Variants in CSMD1 observed in about 807,000 individuals in gnomAD.
CSMD1 encodes CUB and sushi domain-containing protein 1.
In CSMD1, 213 loss-of-function variants were observed where a neutral mutation model predicts 417.5. The observed-to-expected ratio is 0.51, with a 90% CI of 0.46 to 0.57. The LOEUF (loss-of-function observed/expected upper bound fraction) is 0.57, where lower values mean the gene tolerates loss of function less well. Among genes scored for constraint, CSMD1 ranks in the 20% least tolerant of loss-of-function variants. The pLI is 0.00. For synonymous variants in CSMD1, 2,862 were observed against 1,736.8 expected (o/e 1.65, Z -16.11); for missense variants, 6,923 against 4,529.7 (o/e 1.53, Z -15.17).
At chr8:3,619,582 T>C (rs1334099492) in intron 7 of CSMD1, among the ~76,000 whole-genome samples, 1 of 152,092 alleles carries the variant, frequency 6.6e-6, no homozygotes, top group Non-Finnish European at 1.5e-5. Flanking sequence ...GACATAGATG[T>C]ACAAATTCAA....
chr8:4,420,472 C>T (rs146850118), intron 2 of CSMD1, among the ~76,000 whole-genome samples: 1 of 152,052 alleles, frequency 6.6e-6, no homozygotes, highest in Non-Finnish European at 1.5e-5. Flanking sequence ...ACCTCTCAAC[C>T]CATCACGTCG....
At chr8:4,518,151 C>T (rs139821814) in intron 2 of CSMD1, among the ~76,000 whole-genome samples, 82 of 152,154 alleles carry the variant, frequency 5.4e-4, no homozygotes, top group Middle Eastern at 3.4e-3. Flanking sequence ...TATAACTTGC[C>T]ATAAGACAAG....
At chr8:3,272,782 G>C (rs1315872952) in intron 26 of CSMD1, among the ~76,000 whole-genome samples, 1 of 149,760 alleles carries the variant, frequency 6.7e-6, no homozygotes. Flanking sequence ...CATTGATTTT[G>C]TATCCTGAGA....
intron 3 of CSMD1, among the ~76,000 whole-genome samples, chr8:4,050,990 A>T (rs147960594): frequency 0.014 from 2,205 of 152,216 alleles, 20 homozygotes; most frequent in Middle Eastern, 0.024. Context: ...GAGGAGTGAC[A>T]TGCCCTACTT....
At chr8:3,517,155 G>A (rs1373090732) in intron 10 of CSMD1, among the ~76,000 whole-genome samples, 2 of 152,162 alleles carry the variant, frequency 1.3e-5, no homozygotes, top group Non-Finnish European at 2.9e-5. Context: ...TGCTCCTCAT[G>A]CTCATCCCTT....
intron 1 of CSMD1, among the ~76,000 whole-genome samples, chr8:4,984,760 G>A (rs74407229): frequency 2.0e-5 from 3 of 152,156 alleles, no homozygotes; most frequent in African/African-American, 7.2e-5. Context: ...ATGAACAGCA[G>A]AAGGAAAAAC....
chr8:4,458,835 T>G (rs1799641234), intron 2 of CSMD1, among the ~76,000 whole-genome samples: 1 of 152,212 alleles, frequency 6.6e-6, no homozygotes, highest in Admixed American at 6.5e-5. Flanking sequence ...AAGACCCACT[T>G]TCAGAACTGA....
intron 5 of CSMD1, among the ~76,000 whole-genome samples, chr8:3,877,912 T>C (rs1409174478): frequency 6.6e-6 from 1 of 151,262 alleles, no homozygotes; most frequent in African/African-American, 2.4e-5. Flanking sequence ...GTAAATCATT[T>C]TATAGGTCGT....
At chr8:3,261,955 T>C (rs1172769722) in intron 26 of CSMD1, among the ~76,000 whole-genome samples, 2 of 151,876 alleles carry the variant, frequency 1.3e-5, no homozygotes, top group East Asian at 1.9e-4. Context: ...ACGCGTGGGC[T>C]GTGATAGTGA....
intron 10 of CSMD1, among the ~76,000 whole-genome samples, chr8:3,557,831 A>T (rs1263155333): frequency 1.3e-5 from 2 of 152,168 alleles, no homozygotes; most frequent in Admixed American, 1.3e-4. Context: ...TAGCATTATC[A>T]CCCTTTACTC....
chr8:4,014,441 G>A (rs1001118119), intron 4 of CSMD1, among the ~76,000 whole-genome samples: 8 of 152,146 alleles, frequency 5.3e-5, no homozygotes, highest in African/African-American at 1.9e-4. Context: ...AATGTTCTCT[G>A]TTCTGTGACT....
chr8:3,090,183 G>A (rs921872289), intron 48 of CSMD1, among the ~76,000 whole-genome samples: 1 of 152,014 alleles, frequency 6.6e-6, no homozygotes, highest in South Asian at 2.1e-4. Flanking sequence ...CGGGCGCGGT[G>A]GCGGGCGCCT....
chr8:3,974,934 C>T (rs546428230), intron 5 of CSMD1, among the ~76,000 whole-genome samples: 1 of 152,038 alleles, frequency 6.6e-6, no homozygotes, highest in Non-Finnish European at 1.5e-5. Flanking sequence ...TTGATTACTT[C>T]GAACAAATCA....
chr8:4,157,832 C>T (rs999668135), intron 3 of CSMD1, among the ~76,000 whole-genome samples: 1 of 152,146 alleles, frequency 6.6e-6, no homozygotes, highest in Non-Finnish European at 1.5e-5. Flanking sequence ...GTCTCCTATC[C>T]TCCCCACAGG....
chr8:3,343,446 T>C lies in CSMD1; in HGVS notation c.3479A>G (p.Tyr1160Cys). ...ACGTGAGGAACTGTCTTTTCCATCA[T>C]ATACCTGATGAAAATTCACAGCATG... ...QLFEGDTLKVYDGKDSSSRPL... is the reference protein window; with the variant it reads ...QLFEGDTLKVCDGKDSSSRPL... Residue 1160 changes from tyrosine (Y) to cysteine (C), a missense_variant, in exon 23 of 70, where the codon TAT (tyrosine) becomes TGT (cysteine). Physicochemically the swap from Tyr to Cys is radical, Grantham distance 194 (BLOSUM62 -2). Transcript: ENST00000635120. 1 of 1,612,300 alleles carries C rather than the reference T, an allele frequency of 6.2e-7. No individual in the cohort carries two copies. The highest frequency in any genetic ancestry group is 8.5e-7 in the Non-Finnish European group (1 of 1,178,582).
chr8:3,733,376 T>C (rs976256056), intron 6 of CSMD1, among the ~76,000 whole-genome samples: 1 of 147,830 alleles, frequency 6.8e-6, no homozygotes, highest in East Asian at 2.0e-4. Flanking sequence ...ATATAAAATA[T>C]AATATATATT....
At chr8:4,367,653 G>T (rs932411028) in intron 3 of CSMD1, among the ~76,000 whole-genome samples, 1 of 152,044 alleles carries the variant, frequency 6.6e-6, no homozygotes, top group Non-Finnish European at 1.5e-5. Flanking sequence ...GCTTTGGGTG[G>T]TATGATGATT....
intron 12 of CSMD1, among the ~76,000 whole-genome samples, chr8:3,433,304 G>C (rs976517889): frequency 1.3e-5 from 2 of 152,084 alleles, no homozygotes; most frequent in Admixed American, 6.6e-5. Flanking sequence ...GCTTTATTTT[G>C]ATTTCCTTGA....
intron 1 of CSMD1, among the ~76,000 whole-genome samples, chr8:4,868,594 A>G (rs2116903443): frequency 6.6e-6 from 1 of 152,186 alleles, no homozygotes; most frequent in South Asian, 2.1e-4. Flanking sequence ...TCATTCGTCT[A>G]AATTGAGGCA....
Sources: allele counts gnomAD v4.1 joint callset (sites outside exome capture counted in the v4.1 genomes callset), GRCh38; gene constraint gnomAD v4.1.1; transcripts MANE v1.5; gene names NCBI Gene and HGNC (gene_info 2026-07-23, HGNC 2026-07-21).